Variants in ATP2B1 observed in about 807,000 individuals in gnomAD.
ATP2B1 encodes the protein ATPase plasma membrane Ca2+ transporting 1.
In ATP2B1, 14 loss-of-function variants were observed where a neutral mutation model predicts 124.2. That is an observed-to-expected ratio of 0.11 (90% CI 0.07 to 0.18). The LOEUF (loss-of-function observed/expected upper bound fraction) is 0.18. Ranked by LOEUF, ATP2B1 falls within the 10% of genes least tolerant of loss-of-function variation. The probability of loss-of-function intolerance (pLI) is 1.00; values close to 1 mark genes in which losing one functional copy is unlikely to be tolerated. For missense variants in ATP2B1, 763 were observed against 1,466.1 expected, an observed-to-expected ratio of 0.52 and a Z score of 7.83; for synonymous variants, 449 against 492.4, an observed-to-expected ratio of 0.91 and a Z score of 1.17.
chr12:89,613,886 G>T (rs1165964811), intron 12 of ATP2B1, among the ~76,000 whole-genome samples: 1 of 152,196 alleles, frequency 6.6e-6, no homozygotes, highest in Non-Finnish European at 1.5e-5. Context: ...AACTGGATTT[G>T]TTCTAGACAT....
At chr12:89,664,274 T>C (rs1407809488) in intron 1 of ATP2B1, among the ~76,000 whole-genome samples, 1 of 152,216 alleles carries the variant, frequency 6.6e-6, no homozygotes, top group Non-Finnish European at 1.5e-5. Context: ...TAGATAACTA[T>C]TTTGGCTTTT....
chr12:89,704,391 A>C (rs1892203504), intron 1 of ATP2B1, among the ~76,000 whole-genome samples: 10 of 152,198 alleles, frequency 6.6e-5, no homozygotes, highest in Admixed American at 6.5e-4. Flanking sequence ...GTAATGATTA[A>C]ATTTATAAAG....
At chr12:89,642,933 C>T (rs4842669) in intron 2 of ATP2B1, among the ~76,000 whole-genome samples, 145,459 of 152,042 alleles carry the variant, frequency 0.96, 69,627 homozygotes, top group East Asian at 0.99. Flanking sequence ...TCGTACTATC[C>T]TATACCATCT....
At position 89,590,585 on chromosome 12, in the gene ATP2B1, A is replaced by G. The variant is rs2135830034; in HGVS notation, c.*399T>C. ...TAAATAATCCAAATTATTAACAGCC[A>G]ACAGCAGAAATTAAACTATCAATTC... On this transcript the variant is annotated 3_prime_UTR_variant, in exon 21 of 21. Transcript: ENST00000428670. 6.2e-6 allele frequency: 1 copy of G among 161,220 alleles called. No homozygotes were observed. Among genetic ancestry groups the G allele is most frequent in the South Asian group, 1.8e-4 (1 of 5,704 alleles). 10.0% of individuals were successfully genotyped at this position (161,220 alleles called of 1,614,324 possible).
In ATP2B1 at chr12:89,589,800, T is replaced by A. The variant is rs1873217325; in HGVS notation, c.*1184A>T. The A allele has an allele frequency of 6.6e-6, 1 of 152,174 alleles. No homozygotes were observed. The highest frequency in any genetic ancestry group is 2.1e-4 in the South Asian group (1 of 4,830). 9.4% of individuals were successfully genotyped at this position (152,174 alleles called of 1,614,324 possible). A position where few individuals can be genotyped will look rare whatever the true frequency, so the allele number is the denominator to read the frequency against. ...AATGTCTTTTAAAAAAACATTGCCA[T>A]GAATTTATTTAATAAAAGGGCATAT... On this transcript the variant is annotated 3_prime_UTR_variant, in exon 21 of 21. Transcript: ENST00000428670.
intron 2 of ATP2B1, among the ~76,000 whole-genome samples, chr12:89,650,775 T>C (rs1414797315): frequency 6.6e-6 from 1 of 151,980 alleles, no homozygotes; most frequent in East Asian, 1.9e-4. Context: ...AACCCTACCA[T>C]CCAGTATAAA....
At chr12:89,683,522 A>G (rs1368720616) in intron 1 of ATP2B1, among the ~76,000 whole-genome samples, 1 of 152,226 alleles carries the variant, frequency 6.6e-6, no homozygotes, top group Non-Finnish European at 1.5e-5. Context: ...TGAGCCCAAT[A>G]TCAGCAGTCA....
intron 1 of ATP2B1, among the ~76,000 whole-genome samples, chr12:89,673,791 A>T (rs571903370): frequency 6.6e-6 from 1 of 152,298 alleles, no homozygotes; most frequent in South Asian, 2.1e-4. Context: ...GGTAATTAGG[A>T]AATGTTATGA....
At chr12:89,604,083 T>C in intron 16 of ATP2B1, 72 bp downstream of exon 16, 1 of 1,470,856 alleles carries the variant, frequency 6.8e-7, no homozygotes, top group Non-Finnish European at 9.2e-7. Context: ...ATATTAAGTA[T>C]TTTTTAAGAG....
At chr12:89,675,030 T>TA (rs1384661165) in intron 1 of ATP2B1, among the ~76,000 whole-genome samples, 1 of 152,198 alleles carries the variant, frequency 6.6e-6, no homozygotes, top group Non-Finnish European at 1.5e-5. Context: ...CTCTTACAGG[T>TA]ATTTCAGAAA....
rs547400437 is a variant in ATP2B1, at chr12:89,591,053, T to C, written c.3594A>G (p.Ile1198Met). 7 of 1,613,270 alleles carry C rather than the reference T, an allele frequency of 4.3e-6. No individual in the cohort carries two copies. In the East Asian group the frequency reaches 1.6e-4, roughly 36 times the overall value. ...AAGAGGTAGCAGACTTGTTCATTTCTATTGTAAGGTGAATTCCACTGTCAA... is the reference window on the plus strand; with the variant it reads ...AAGAGGTAGCAGACTTGTTCATTTCCATTGTAAGGTGAATTCCACTGTCAA... The part of the protein sequence containing the change: ...NAVDSGIHLT[I>M]EMNKSATSSS... The change falls in exon 21 of 21, where the codon ATA (isoleucine) becomes ATG (methionine). Residue 1198 changes from isoleucine (I) to methionine (M), a missense_variant. By Grantham distance (10) the Ile-to-Met change is conservative. Coordinates refer to ENST00000428670, the MANE Select transcript of ATP2B1 (RefSeq NM_001366521.1).
intron 12 of ATP2B1, 43 bp downstream of exon 12, chr12:89,616,759 G>A: frequency 6.4e-7 from 1 of 1,561,612 alleles, no homozygotes; most frequent in Non-Finnish European, 8.8e-7. Flanking sequence ...GTCCTCTATA[G>A]TTATGAGATT....
chr12:89,608,195 G>T (rs965781322), intron 15 of ATP2B1, among the ~76,000 whole-genome samples: 5 of 152,110 alleles, frequency 3.3e-5, no homozygotes, highest in Non-Finnish European at 7.3e-5. Context: ...TTCAGACAGA[G>T]TCTCGCTCTG....
At chr12:89,625,500 C>T (rs777730794) in intron 8 of ATP2B1, among the ~76,000 whole-genome samples, 16 of 144,320 alleles carry the variant, frequency 1.1e-4, no homozygotes, top group Non-Finnish European at 2.2e-4. Context: ...AGGAGGATAA[C>T]CTGAGCCTTG....
intron 1 of ATP2B1, among the ~76,000 whole-genome samples, chr12:89,700,604 G>C (rs533216031): frequency 6.6e-6 from 1 of 152,274 alleles, no homozygotes; most frequent in South Asian, 2.1e-4. Context: ...TCATCCATGA[G>C]TGTCCCAGTA....
intron 1 of ATP2B1, among the ~76,000 whole-genome samples, chr12:89,675,553 A>G (rs555448174): frequency 5.3e-5 from 8 of 152,322 alleles, no homozygotes; most frequent in African/African-American, 9.6e-5. Flanking sequence ...AGGCACTTAT[A>G]TATTTGTTAA....
chr12:89,610,237 T>A (rs967060149), intron 14 of ATP2B1, among the ~76,000 whole-genome samples, 184 bp downstream of exon 14: 1 of 152,218 alleles, frequency 6.6e-6, no homozygotes, highest in Non-Finnish European at 1.5e-5. Flanking sequence ...TATCCTGTTT[T>A]AAACACTTAA....
rs769621257 is a variant in ATP2B1 at position 89,589,830 on chromosome 12, TTA to T, written c.*1152_*1153del. 9.8e-5 allele frequency: 15 copies of T among 152,314 alleles called. No homozygotes were observed. The highest frequency in any genetic ancestry group is 2.1e-4 in the South Asian group (1 of 4,834). The allele number at this position is 152,314 out of a possible 1,614,324, so 9.4% of individuals were successfully genotyped here. A position where few individuals can be genotyped will look rare whatever the true frequency, so the allele number is the denominator to read the frequency against. On this transcript the variant is annotated 3_prime_UTR_variant, in exon 21 of 21. Transcript: ENST00000428670. ...TTATTTAATAAAAGGGCATATTTAT[TTA>T]TGTTTACAAACAAGTTTCAAAAACA... is the stretch of plus-strand genomic sequence containing the variant.
Position 89,601,448 on chromosome 12 carries a change from A to G in ATP2B1, c.3061-15T>C. ...ACAATTATTATCTGGAGGAATAATC[A>G]AGAGTAAATTTACTTAAATCTTAAA... On this transcript the variant is annotated splice_polypyrimidine_tract_variant and intron_variant, in intron 18 of 20. Transcript: ENST00000428670. The G allele has an allele frequency of 6.8e-7, 1 of 1,469,810 alleles. No individual in the cohort carries two copies. Among genetic ancestry groups the G allele is most frequent in the Non-Finnish European group, 9.2e-7 (1 of 1,090,726 alleles). 91.0% of individuals were successfully genotyped at this position (1,469,810 alleles called of 1,614,324 possible). A position where few individuals can be genotyped will look rare whatever the true frequency, so the allele number is the denominator to read the frequency against.
Sources: allele counts gnomAD v4.1 joint callset (sites outside exome capture counted in the v4.1 genomes callset), GRCh38; gene constraint gnomAD v4.1.1; transcripts MANE v1.5; gene names NCBI Gene and HGNC (gene_info 2026-07-23, HGNC 2026-07-21).